The following FNDC3B variants were observed in gnomAD, a reference collection of about 807,000 sequenced individuals.
The protein encoded by FNDC3B is fibronectin type III domain-containing protein 3B.
In FNDC3B, 12 loss-of-function variants were observed where a neutral mutation model predicts 151.5. The ratio of observed to expected loss-of-function variants is 0.08; its 90% CI spans 0.05 to 0.13. The LOEUF (loss-of-function observed/expected upper bound fraction) is 0.13, where lower values mean the gene tolerates loss of function less well. FNDC3B is among the 10% of genes least tolerant of loss of function. The probability of loss-of-function intolerance (pLI) is 1.00; values close to 1 mark genes in which losing one functional copy is unlikely to be tolerated. For missense variants in FNDC3B, 1,214 were observed against 1,505.3 expected, an observed-to-expected ratio of 0.81 and a Z score of 3.20; for synonymous variants, 528 against 549.0, an observed-to-expected ratio of 0.96 and a Z score of 0.54.
At chr3:172,362,953 G>C in intron 23 of FNDC3B, 108 bp downstream of exon 23, 1 of 829,148 alleles carries the variant, frequency 1.2e-6, no homozygotes, top group Non-Finnish European at 1.9e-6. Flanking sequence ...CTTCCTTCTT[G>C]TTCAGAGGCT....
chr3:172,055,187 GAGA>G (rs970766852), intron 1 of FNDC3B, among the ~76,000 whole-genome samples: 1 of 152,094 alleles, frequency 6.6e-6, no homozygotes, highest in African/African-American at 2.4e-5. Context: ...GAAGTGGGAG[GAGA>G]AGAAATGGAT....
chr3:172,280,172 C>T (rs1276060690), intron 6 of FNDC3B, among the ~76,000 whole-genome samples: 1 of 152,188 alleles, frequency 6.6e-6, no homozygotes, highest in Non-Finnish European at 1.5e-5. Context: ...GCCTTGGCCT[C>T]CCAAAGTGCT....
At chr3:172,279,523 T>C (rs971255511) in intron 6 of FNDC3B, among the ~76,000 whole-genome samples, 1 of 152,232 alleles carries the variant, frequency 6.6e-6, no homozygotes, top group Non-Finnish European at 1.5e-5. Context: ...GGTATTCCCT[T>C]GGCTACCTTT....
intron 6 of FNDC3B, among the ~76,000 whole-genome samples, chr3:172,266,718 C>G (rs986078582): frequency 4.6e-5 from 7 of 152,224 alleles, no homozygotes; most frequent in Admixed American, 4.6e-4. Flanking sequence ...TCTCTCTGCT[C>G]TTTTCTTCCC....
chr3:172,203,337 T>A (rs1427682029), intron 3 of FNDC3B, among the ~76,000 whole-genome samples: 1 of 152,230 alleles, frequency 6.6e-6, no homozygotes, highest in Non-Finnish European at 1.5e-5. Context: ...TAGGAGCAAG[T>A]GGTCAGATAG....
chr3:172,195,523 G>T (rs1232719122), intron 3 of FNDC3B, among the ~76,000 whole-genome samples: 1 of 152,220 alleles, frequency 6.6e-6, no homozygotes, highest in Non-Finnish European at 1.5e-5. Context: ...CACACGTTAA[G>T]AATCTGAGAA....
At chr3:172,077,509 CAATT>C (rs1183284597) in intron 1 of FNDC3B, among the ~76,000 whole-genome samples, 2 of 152,152 alleles carry the variant, frequency 1.3e-5, no homozygotes, top group African/African-American at 4.8e-5. Flanking sequence ...ACATAAATAT[CAATT>C]AAAGCTTTCT....
At chr3:172,339,605 T>C (rs1273841686) in intron 16 of FNDC3B, among the ~76,000 whole-genome samples, 1 of 152,068 alleles carries the variant, frequency 6.6e-6, no homozygotes, top group African/African-American at 2.4e-5. Flanking sequence ...AAAAACCTGG[T>C]TTAGCTTTTC....
intron 2 of FNDC3B, among the ~76,000 whole-genome samples, chr3:172,124,319 A>G (rs1257331365): frequency 6.6e-6 from 1 of 152,226 alleles, no homozygotes; most frequent in Non-Finnish European, 1.5e-5. Context: ...TCGAAGTCCC[A>G]GCCTCAAGTG....
chr3:172,266,858 CTA>C (rs1176724774), intron 6 of FNDC3B, among the ~76,000 whole-genome samples: 9 of 152,336 alleles, frequency 5.9e-5, no homozygotes, highest in Non-Finnish European at 1.3e-4. Flanking sequence ...TCTCCAAAGA[CTA>C]TTCCTTGCAG....
chr3:172,101,473 G>A (rs75274513), intron 1 of FNDC3B, among the ~76,000 whole-genome samples: 1,738 of 152,210 alleles, frequency 0.011, 32 homozygotes, highest in African/African-American at 0.039. Context: ...TAAATATCTG[G>A]TTAACACAAT....
chr3:172,397,516 T>G lies in FNDC3B; in HGVS notation c.*41T>G. Reference sequence around the variant, plus strand: ...AGGTATGAATTAATGCTACACATTTTAATACACACATTTATTCAGATACTC... The same window carrying G: ...AGGTATGAATTAATGCTACACATTTGAATACACACATTTATTCAGATACTC... On this transcript the variant is annotated 3_prime_UTR_variant, in exon 26 of 26. Coordinates refer to ENST00000415807, the MANE Select transcript of FNDC3B (RefSeq NM_022763.4). 1 of 1,283,092 alleles carries G rather than the reference T, an allele frequency of 7.8e-7. No individual in the cohort carries two copies. The highest frequency in any genetic ancestry group is 1.1e-6 in the Non-Finnish European group (1 of 925,802). 79.5% of individuals were successfully genotyped at this position (1,283,092 alleles called of 1,614,324 possible). A position where few individuals can be genotyped will look rare whatever the true frequency, so the allele number is the denominator to read the frequency against.
At chr3:172,232,212 A>G (rs1726929224) in intron 4 of FNDC3B, among the ~76,000 whole-genome samples, 1 of 152,142 alleles carries the variant, frequency 6.6e-6, no homozygotes, top group African/African-American at 2.4e-5. Context: ...AAAATTGAAG[A>G]GGGAGGCAAG....
intron 6 of FNDC3B, among the ~76,000 whole-genome samples, chr3:172,259,984 TG>T (rs1423661647): frequency 6.6e-6 from 1 of 152,248 alleles, no homozygotes; most frequent in Non-Finnish European, 1.5e-5. Flanking sequence ...ACCAGAAGTT[TG>T]AGGTCAGAAT....
chr3:172,132,236 A>G (rs1349232432), intron 2 of FNDC3B, among the ~76,000 whole-genome samples: 2 of 152,186 alleles, frequency 1.3e-5, no homozygotes, highest in Admixed American at 6.5e-5. Flanking sequence ...AGTATCACAG[A>G]CAGAGGAAAC....
intron 1 of FNDC3B, among the ~76,000 whole-genome samples, chr3:172,061,261 C>T (rs1363952112): frequency 6.9e-6 from 1 of 144,132 alleles, no homozygotes; most frequent in Non-Finnish European, 1.5e-5. Flanking sequence ...GAGATGGAGT[C>T]TCGCTCTGTC....
intron 3 of FNDC3B, among the ~76,000 whole-genome samples, chr3:172,161,764 T>C (rs976155992): frequency 2.0e-5 from 3 of 152,204 alleles, no homozygotes; most frequent in African/African-American, 7.2e-5. Context: ...AGTGGTTTCA[T>C]ATATTGTGTA....
At chr3:172,240,984 C>G (rs909846989) in intron 4 of FNDC3B, among the ~76,000 whole-genome samples, 2 of 151,982 alleles carry the variant, frequency 1.3e-5, no homozygotes, top group Admixed American at 1.3e-4. Flanking sequence ...ATACTAGGCA[C>G]GTAGAAGATT....
At chr3:172,317,274 C>T (rs1048504557) in intron 11 of FNDC3B, 1 of 375,872 alleles carries the variant, frequency 2.7e-6, no homozygotes, top group African/African-American at 2.2e-5. Context: ...ACGTCTGCCT[C>T]CCGGGTTCAC....
Sources: gnomAD v4.1 joint callset for allele counts (sites outside exome capture counted in the v4.1 genomes callset) on GRCh38, gnomAD v4.1.1 for gene constraint, MANE v1.5 for transcripts, NCBI Gene and HGNC (gene_info 2026-07-23, HGNC 2026-07-21) for gene names.